Variants in CNTN5 observed in about 807,000 individuals in gnomAD.
CNTN5 encodes contactin-5.
Under a neutral mutation model 129.1 loss-of-function variants are expected in CNTN5, and 77 were observed. That is an observed-to-expected ratio of 0.60 (90% confidence interval 0.50 to 0.72). CNTN5 has a LOEUF of 0.72. Among genes scored for constraint, CNTN5 ranks in the 30% least tolerant of loss-of-function variants. The pLI is 0.00. For missense variants in CNTN5, 1,478 were observed against 1,328.8 expected, an observed-to-expected ratio of 1.11 and a Z score of -1.75; for synonymous variants, 509 against 465.6, an observed-to-expected ratio of 1.09 and a Z score of -1.20.
chr11:99,264,944 TTGAA>T (rs1185611868), intron 1 of CNTN5, among the ~76,000 whole-genome samples: 1 of 152,054 alleles, frequency 6.6e-6, no homozygotes, highest in African/African-American at 2.4e-5. Flanking sequence ...TTATAATTCT[TTGAA>T]TGTACTGAAG....
At position 99,346,495 on chromosome 11, in the gene CNTN5, G is replaced by A. The variant is rs146185044; in HGVS notation, c.-71+21011G>A. On this transcript the variant is annotated intron_variant, in intron 2 of 24. Coordinates refer to ENST00000524871, the MANE Select transcript of CNTN5 (RefSeq NM_014361.4). ...CCATCCCTGGAGAGAGAAGCCTACC[G>A]AGGTCTCCACTACTGTGGTGGAGGA... 5.9e-5 allele frequency among the ~76,000 whole-genome samples: 9 copies of A among 152,258 alleles called. No homozygotes were observed. In the East Asian group the frequency reaches 1.2e-3, roughly 20 times the overall value.
chr11:99,434,388 C>T (rs962294010), intron 2 of CNTN5, among the ~76,000 whole-genome samples: 17 of 152,098 alleles, frequency 1.1e-4, no homozygotes, highest in African/African-American at 3.4e-4. Context: ...ACTTGAGATT[C>T]GGAGGTTTTT....
chr11:99,132,492 T>C lies in CNTN5; in HGVS notation c.-210+111222T>C, dbSNP rs149424858. 1.4e-4 allele frequency among the ~76,000 whole-genome samples: 22 copies of C among 152,278 alleles called. No homozygotes were observed. In the East Asian group the frequency reaches 4.1e-3, roughly 28 times the overall value. Reference sequence around the variant, plus strand: ...TTTGTTTGCAGATGACATGATCCTATATCTAGAAAACCCCATTGACTCAGC... The same window carrying C: ...TTTGTTTGCAGATGACATGATCCTACATCTAGAAAACCCCATTGACTCAGC... On this transcript the variant is annotated intron_variant, in intron 1 of 24. Transcript: ENST00000524871.
At position 99,836,626 on chromosome 11, in the gene CNTN5, A is replaced by G. The variant is rs562500890; in HGVS notation, c.278-8226A>G. ...ATACGTGTGCATGTGTCTTTATAGCAGCATGATTTATAATCCTTTGGGTAT... is the reference window on the plus strand; with the variant it reads ...ATACGTGTGCATGTGTCTTTATAGCGGCATGATTTATAATCCTTTGGGTAT... On this transcript the variant is annotated intron_variant, in intron 4 of 24. Transcript: ENST00000524871. 7.9e-5 allele frequency among the ~76,000 whole-genome samples: 12 copies of G among 152,278 alleles called. No individual in the cohort carries two copies. The South Asian group carries it at 1.9e-3, about 24-fold the overall frequency.
At chr11:99,579,314 C>G (rs1301535701) in intron 3 of CNTN5, among the ~76,000 whole-genome samples, 12 of 150,706 alleles carry the variant, frequency 8.0e-5, no homozygotes, top group Non-Finnish European at 1.3e-4. Context: ...GCGATGTGGG[C>G]TCTTTTTTGG....
chr11:99,639,559 G>GGTTTTT (rs1478048866), intron 3 of CNTN5, among the ~76,000 whole-genome samples: 3 of 70,322 alleles, frequency 4.3e-5, no homozygotes, highest in Non-Finnish European at 5.0e-5. Context: ...TCACCTTTAT[G>GGTTTTT]TTTTTTTTTT....
intron 3 of CNTN5, among the ~76,000 whole-genome samples, chr11:99,648,341 T>C (rs1952040453): frequency 6.6e-6 from 1 of 151,792 alleles, no homozygotes; most frequent in South Asian, 2.1e-4. Context: ...AATGATCAGG[T>C]AAATGCAAAT....
intron 1 of CNTN5, among the ~76,000 whole-genome samples, chr11:99,160,132 A>G (rs768965240): frequency 4.1e-4 from 62 of 152,202 alleles, no homozygotes; most frequent in Non-Finnish European, 8.1e-4. Flanking sequence ...CGTTGAGACT[A>G]AAATATTTCC....
At chr11:99,461,987 C>A (rs918541009) in intron 2 of CNTN5, among the ~76,000 whole-genome samples, 1 of 152,148 alleles carries the variant, frequency 6.6e-6, no homozygotes, top group African/African-American at 2.4e-5. Flanking sequence ...CTATTCAATA[C>A]AATAACCCAC....
intron 3 of CNTN5, among the ~76,000 whole-genome samples, chr11:99,644,287 CAT>C (rs2135853936): frequency 6.6e-6 from 1 of 152,266 alleles, no homozygotes; most frequent in East Asian, 1.9e-4. Context: ...ACTTTGAACA[CAT>C]ATGTGAAGAA....
At chr11:99,477,848 C>A (rs1367117530) in intron 2 of CNTN5, among the ~76,000 whole-genome samples, 1 of 151,220 alleles carries the variant, frequency 6.6e-6, no homozygotes, top group Non-Finnish European at 1.5e-5. Flanking sequence ...TTTTATCTTA[C>A]ATAAAGTTGG....
At chr11:99,687,389 A>G (rs1051064243) in intron 3 of CNTN5, among the ~76,000 whole-genome samples, 13 of 152,190 alleles carry the variant, frequency 8.5e-5, no homozygotes, top group Non-Finnish European at 1.5e-5. Context: ...GTAGTTTAGT[A>G]GCCACTGAAT....
chr11:99,167,106 C>A (rs1258360819), intron 1 of CNTN5, among the ~76,000 whole-genome samples: 1 of 151,694 alleles, frequency 6.6e-6, no homozygotes, highest in African/African-American at 2.4e-5. Context: ...AGTTTTACAG[C>A]CAAATTTAAG....
intron 2 of CNTN5, among the ~76,000 whole-genome samples, chr11:99,378,202 C>A (rs1940306154): frequency 6.6e-6 from 1 of 152,090 alleles, no homozygotes; most frequent in Non-Finnish European, 1.5e-5. Context: ...CTTCTGAAAT[C>A]TTTTGTCCCA....
intron 6 of CNTN5, among the ~76,000 whole-genome samples, chr11:99,855,552 A>G (rs768972072): frequency 3.3e-5 from 5 of 152,154 alleles, no homozygotes; most frequent in Admixed American, 6.5e-5. Context: ...TGGACATGAC[A>G]TGAGACTGAA....
rs372151030 is a variant in CNTN5, at chr11:99,889,701, A to G, written c.578-26353A>G. Among the ~76,000 whole-genome samples the G allele has an allele frequency of 4.7e-4, 71 of 151,882 alleles. No homozygotes were observed. The East Asian group carries it at 0.014, about 29-fold the overall frequency. The stretch of plus-strand genomic sequence containing the variant: ...CAGGTGCCCACTGCCACGTCCAGCT[A>G]ATTTTTAAAATATTTTTAATAGATA... On this transcript the variant is annotated intron_variant, in intron 6 of 24. Coordinates refer to ENST00000524871, the MANE Select transcript of CNTN5 (RefSeq NM_014361.4).
intron 8 of CNTN5, among the ~76,000 whole-genome samples, chr11:99,969,107 A>G (rs7948565): frequency 0.04 from 6,100 of 151,166 alleles, 245 homozygotes; most frequent in East Asian, 0.22. Context: ...TACTTAAAAA[A>G]CAACTTGAAT....
chr11:99,645,671 C>T (rs1161833615), intron 3 of CNTN5, among the ~76,000 whole-genome samples: 2 of 151,986 alleles, frequency 1.3e-5, no homozygotes, highest in Non-Finnish European at 2.9e-5. Flanking sequence ...AGCTGGAAAC[C>T]ATCATTCTCA....
At chr11:99,388,168 C>T (rs1767449903) in intron 2 of CNTN5, among the ~76,000 whole-genome samples, 1 of 151,996 alleles carries the variant, frequency 6.6e-6, no homozygotes, top group Non-Finnish European at 1.5e-5. Context: ...GTAATCCTAG[C>T]ACTTTGGGAG....
Sources: gnomAD v4.1 joint callset for allele counts (sites outside exome capture counted in the v4.1 genomes callset) on GRCh38, gnomAD v4.1.1 for gene constraint, MANE v1.5 for transcripts, NCBI Gene and HGNC (gene_info 2026-07-23, HGNC 2026-07-21) for gene names.